The following CNIH4 variants were observed in gnomAD, a reference collection of about 807,000 sequenced individuals.
CNIH4 encodes the protein cornichon family member 4.
Under a neutral mutation model 21.5 loss-of-function variants are expected in CNIH4, and 9 were observed. The ratio of observed to expected loss-of-function variants is 0.42; its 90% CI spans 0.25 to 0.73. The LOEUF (loss-of-function observed/expected upper bound fraction) is 0.73. CNIH4 is among the 30% of genes least tolerant of loss of function. The probability of loss-of-function intolerance (pLI) is 0.27; values close to 1 mark genes in which losing one functional copy is unlikely to be tolerated. For synonymous variants in CNIH4, 67 were observed against 59.1 expected (o/e 1.13, Z -0.61); for missense variants, 159 against 170.0 (o/e 0.94, Z 0.36).
intron 4 of CNIH4, among the ~76,000 whole-genome samples, chr1:224,374,082 C>G (rs746059615): frequency 1.3e-5 from 2 of 152,148 alleles, no homozygotes; most frequent in Non-Finnish European, 1.5e-5. Flanking sequence ...ACATATAGTT[C>G]AGAGGGTCAG....
chr1:224,374,910 G>C (rs1035375805), intron 4 of CNIH4, among the ~76,000 whole-genome samples: 3 of 152,156 alleles, frequency 2.0e-5, no homozygotes, highest in African/African-American at 7.2e-5. Flanking sequence ...TAGTATGGTT[G>C]AATTTGGACA....
intron 2 of CNIH4, among the ~76,000 whole-genome samples, chr1:224,365,566 C>T (rs978889100): frequency 1.3e-5 from 2 of 152,212 alleles, no homozygotes; most frequent in Non-Finnish European, 2.9e-5. Flanking sequence ...GGCATAGATA[C>T]TAGAATAGGA....
chr1:224,376,769 C>A lies in CNIH4; in HGVS notation c.*947C>A. On this transcript the variant is annotated 3_prime_UTR_variant, in exon 5 of 5. Transcript: ENST00000465271. The stretch of plus-strand genomic sequence containing the variant: ...TTTCATGGACATAGCAATATACAAC[C>A]AAACTCTGTTCCTTGGAGTTATATT... 1.0e-6 allele frequency: 1 copy of A among 983,432 alleles called. No homozygotes were observed. Among genetic ancestry groups the A allele is most frequent in the Non-Finnish European group, 1.2e-6 (1 of 829,154 alleles). 60.9% of individuals were successfully genotyped at this position (983,432 alleles called of 1,614,324 possible).
chr1:224,365,740 C>A, intron 2 of CNIH4, 139 bp from the exon 3 acceptor site: 1 of 658,026 alleles, frequency 1.5e-6, no homozygotes, highest in South Asian at 1.8e-5. Context: ...GTATGCAAAT[C>A]TGGGACATGG....
At chr1:224,364,172 G>C (rs898240949) in intron 2 of CNIH4, 2 of 982,940 alleles carry the variant, frequency 2.0e-6, no homozygotes, top group African/African-American at 3.5e-5. Context: ...AGAATCACTT[G>C]AGCCCAGCGG....
chr1:224,371,416 C>T lies in CNIH4; in HGVS notation c.385C>T (p.Leu129Phe). The change falls in exon 4 of 5, where the codon CTT (leucine) becomes TTT (phenylalanine). Residue 129 changes from leucine (L) to phenylalanine (F), a missense_variant. Leu to Phe is a conservative substitution (Grantham distance 22, BLOSUM62 0). Transcript: ENST00000465271. ...CCACTTGCTCTGCTTCTTCATGTAT[C>T]TTTATAGGTGAGTTTAAAGTCCTGG... ...GFHLLCFFMY[L>F]YSMILALIND 6.2e-7 allele frequency: 1 copy of T among 1,613,338 alleles called. No homozygotes were observed. Among genetic ancestry groups the T allele is most frequent in the Non-Finnish European group, 8.5e-7 (1 of 1,179,800 alleles).
At chr1:224,367,605 G>A (rs1672501919) in intron 3 of CNIH4, among the ~76,000 whole-genome samples, 1 of 151,274 alleles carries the variant, frequency 6.6e-6, no homozygotes, top group Non-Finnish European at 1.5e-5. Flanking sequence ...GTGTGATATA[G>A]TGCACTACAG....
rs1672844709 is a variant in CNIH4, at chr1:224,378,850, C to G, written c.*3028C>G. On this transcript the variant is annotated 3_prime_UTR_variant, in exon 5 of 5. Transcript: ENST00000465271. ...TCGTTCAGGGTGTTGTAACTGGGAA[C>G]ATCTGAATGCTGAGGCCTAGAGATC... The G allele has an allele frequency of 5.2e-6, 2 of 385,980 alleles. No individual in the cohort carries two copies. The highest frequency in any genetic ancestry group is 8.5e-5 in the Admixed American group (2 of 23,546). The allele number at this position is 385,980 out of a possible 1,614,324, so 23.9% of individuals were successfully genotyped here.
At position 224,356,972 on chromosome 1, in the gene CNIH4, C is replaced by T. The variant is rs769981324; in HGVS notation, c.48C>T (p.Leu16=). 4.3e-6 allele frequency: 7 copies of T among 1,612,480 alleles called. No homozygotes were observed. The East Asian group carries it at 6.7e-5, about 15-fold the overall frequency. The change falls in exon 1 of 5, where the codon CTC becomes CTT. Residue 16 remains leucine (L), a synonymous_variant. Transcript: ENST00000465271. The stretch of plus-strand genomic sequence containing the variant: ...TCTCTCTCCTCGATTGTTGCGCGCT[C>T]ATCTTCCTCTCGGTCTACTTCGTAT... ...FVFSLLDCCA[L]IFLSVYFIIT...
chr1:224,364,268 C>T (rs1672386304), intron 2 of CNIH4: 1 of 985,162 alleles, frequency 1.0e-6, no homozygotes, highest in African/African-American at 1.7e-5. Context: ...TGTTTCAGGT[C>T]TGTGTCTGTG....
rs149635266 is a variant in CNIH4, at chr1:224,368,377, T to C, written c.251+2386T>C. Among the ~76,000 whole-genome samples, 40 of 152,292 alleles carry C rather than the reference T, an allele frequency of 2.6e-4. No homozygotes were observed. The East Asian group carries it at 7.3e-3, about 28-fold the overall frequency. On this transcript the variant is annotated intron_variant, in intron 3 of 4. Coordinates refer to ENST00000465271, the MANE Select transcript of CNIH4 (RefSeq NM_014184.4). ...GGAGATTCTTTTTTAAATATAATTA[T>C]AAAATAAAGACAAAGATCATGTATA...
intron 4 of CNIH4, among the ~76,000 whole-genome samples, chr1:224,373,844 T>TA (rs1261244410): frequency 6.6e-6 from 1 of 151,412 alleles, no homozygotes; most frequent in Non-Finnish European, 1.5e-5. Flanking sequence ...AAAGAAAAAA[T>TA]AAAGTGGTGG....
At chr1:224,368,900 C>T (rs1054461824) in intron 3 of CNIH4, among the ~76,000 whole-genome samples, 3 of 124,014 alleles carry the variant, frequency 2.4e-5, no homozygotes, top group Non-Finnish European at 4.9e-5. Context: ...ACACTTTTTA[C>T]TGTGTGTGTC....
Position 224,376,780 on chromosome 1 carries a change from C to G in CNIH4, c.*958C>G. The G allele has an allele frequency of 1.0e-6, 1 of 978,530 alleles. No homozygotes were observed. Among genetic ancestry groups the G allele is most frequent in the Non-Finnish European group, 1.2e-6 (1 of 826,506 alleles). The allele number at this position is 978,530 out of a possible 1,614,324, so 60.6% of individuals were successfully genotyped here. ...TAGCAATATACAACCAAACTCTGTT[C>G]CTTGGAGTTATATTGTAAACTCTTG... On this transcript the variant is annotated 3_prime_UTR_variant, in exon 5 of 5. Transcript: ENST00000465271.
intron 3 of CNIH4, among the ~76,000 whole-genome samples, chr1:224,366,786 C>A (rs113287373): frequency 0.088 from 11,745 of 134,206 alleles, 1,430 homozygotes; most frequent in African/African-American, 0.27. Flanking sequence ...CGGTGAAACC[C>A]CATCTCTACT....
Position 224,376,514 on chromosome 1 carries a change from A to C in CNIH4, c.*692A>C, listed in dbSNP as rs1352231979. 2 of 985,238 alleles carry C rather than the reference A, an allele frequency of 2.0e-6. No individual in the cohort carries two copies. The highest frequency in any genetic ancestry group is 3.5e-5 in the African/African-American group (2 of 57,200). 61.0% of individuals were successfully genotyped at this position (985,238 alleles called of 1,614,324 possible). A position where few individuals can be genotyped will look rare whatever the true frequency, so the allele number is the denominator to read the frequency against. On this transcript the variant is annotated 3_prime_UTR_variant, in exon 5 of 5. Coordinates refer to ENST00000465271, the MANE Select transcript of CNIH4 (RefSeq NM_014184.4). Reference sequence around the variant, plus strand: ...TCACCCCCAAACCCAGAAAATCCCCACTGGCTCTTGCCAGTCTGGTTTTCG... The same window carrying C: ...TCACCCCCAAACCCAGAAAATCCCCCCTGGCTCTTGCCAGTCTGGTTTTCG...
intron 3 of CNIH4, among the ~76,000 whole-genome samples, chr1:224,370,861 C>A (rs1672602539): frequency 6.7e-6 from 1 of 150,198 alleles, no homozygotes; most frequent in Non-Finnish European, 1.5e-5. Context: ...TTTAAGGCTG[C>A]TATGATTGGC....
chr1:224,362,843 T>C (rs757182499), intron 2 of CNIH4, among the ~76,000 whole-genome samples: 1 of 152,078 alleles, frequency 6.6e-6, no homozygotes, highest in African/African-American at 2.4e-5. Flanking sequence ...TCTTTCAATA[T>C]GGGAAATTTT....
At chr1:224,374,080 T>C (rs985343286) in intron 4 of CNIH4, among the ~76,000 whole-genome samples, 1 of 152,212 alleles carries the variant, frequency 6.6e-6, no homozygotes, top group Non-Finnish European at 1.5e-5. Context: ...TTACATATAG[T>C]TCAGAGGGTC....
Sources: allele counts gnomAD v4.1 joint callset (sites outside exome capture counted in the v4.1 genomes callset), GRCh38; gene constraint gnomAD v4.1.1; transcripts MANE v1.5; gene names NCBI Gene and HGNC (gene_info 2026-07-23, HGNC 2026-07-21).